Variants in MYO6 observed in about 807,000 individuals in gnomAD.
The protein encoded by MYO6 is myosin VI.
MYO6 carries 74 observed loss-of-function variants against 178.7 expected under a neutral mutation model. The ratio of observed to expected loss-of-function variants is 0.41; its 90% confidence interval spans 0.34 to 0.50. The LOEUF (loss-of-function observed/expected upper bound fraction) is 0.50, where lower values mean the gene tolerates loss of function less well. Among genes scored for constraint, MYO6 ranks in the 20% least tolerant of loss-of-function variants. MYO6 has a pLI of 0.09. For synonymous variants in MYO6, 477 were observed against 504.6 expected, an observed-to-expected ratio of 0.95 and a Z score of 0.73; for missense variants, 1,330 against 1,547.4, an observed-to-expected ratio of 0.86 and a Z score of 2.36.
intron 1 of MYO6, among the ~76,000 whole-genome samples, chr6:75,771,015 T>TC (rs1291781538): frequency 8.6e-5 from 13 of 151,004 alleles, no homozygotes; most frequent in East Asian, 1.9e-4. Context: ...TTTTTTTTTT[T>TC]CCCCCCTGAG....
At chr6:75,785,381 A>G (rs1290877348) in intron 1 of MYO6, among the ~76,000 whole-genome samples, 2 of 152,044 alleles carry the variant, frequency 1.3e-5, no homozygotes, top group Non-Finnish European at 2.9e-5. Context: ...ACAAGTTCTT[A>G]ATTTGTCAAA....
At chr6:75,751,127 T>C (rs1399547266) in intron 1 of MYO6, among the ~76,000 whole-genome samples, 3 of 152,258 alleles carry the variant, frequency 2.0e-5, no homozygotes, top group Non-Finnish European at 4.4e-5. Context: ...CAAAGTGGGC[T>C]ATAGCCAGAG....
chr6:75,780,147 A>T (rs894270637), intron 1 of MYO6, among the ~76,000 whole-genome samples: 6 of 152,214 alleles, frequency 3.9e-5, no homozygotes, highest in Admixed American at 1.3e-4. Flanking sequence ...GCACACTTTA[A>T]ATATGTGATG....
chr6:75,881,578 G>T, intron 22 of MYO6, 111 bp from the exon 23 acceptor site: 2 of 1,092,688 alleles, frequency 1.8e-6, no homozygotes, highest in Non-Finnish European at 1.4e-6. Context: ...ATTGACATGT[G>T]ACCATTTTCA....
chr6:75,890,233 A>G lies in MYO6; in HGVS notation c.2835A>G (p.Lys945=). ...KERKRREEDE[K]RRRKEEEERR... Reference sequence around the variant, plus strand: ...GAAAAAGACGTGAAGAAGACGAAAAACGTCGAAGAAAGGAAGAGGAGGAAA... The same window carrying G: ...GAAAAAGACGTGAAGAAGACGAAAAGCGTCGAAGAAAGGAAGAGGAGGAAA... The change falls in exon 26 of 35, where the codon AAA becomes AAG. Residue 945 remains lysine (K), a synonymous_variant. Coordinates refer to ENST00000369977, the MANE Select transcript of MYO6 (RefSeq NM_004999.4). 4 of 1,613,046 alleles carry G rather than the reference A, an allele frequency of 2.5e-6. No homozygotes were observed. Among genetic ancestry groups the G allele is most frequent in the Non-Finnish European group, 3.4e-6 (4 of 1,179,066 alleles).
chr6:75,764,757 A>C (rs934076943), intron 1 of MYO6, among the ~76,000 whole-genome samples: 1 of 152,178 alleles, frequency 6.6e-6, no homozygotes, highest in East Asian at 1.9e-4. Context: ...AGGCACTTTG[A>C]GAGGCTGAGG....
intron 28 of MYO6, 127 bp downstream of exon 28, chr6:75,892,817 A>T: frequency 1.1e-6 from 1 of 948,104 alleles, no homozygotes; most frequent in Non-Finnish European, 1.5e-6. Context: ...ATTTGAGCTA[A>T]AATAATTTTA....
At chr6:75,888,425 A>G (rs1423041511) in intron 25 of MYO6, among the ~76,000 whole-genome samples, 1 of 152,046 alleles carries the variant, frequency 6.6e-6, no homozygotes, top group Non-Finnish European at 1.5e-5. Context: ...GACCAACCTG[A>G]TCAACATGGC....
intron 1 of MYO6, among the ~76,000 whole-genome samples, chr6:75,795,996 A>G (rs892320800): frequency 2.6e-5 from 4 of 152,258 alleles, no homozygotes; most frequent in Non-Finnish European, 2.9e-5. Flanking sequence ...CTGTATACAT[A>G]AAGAATTAAA....
intron 16 of MYO6, among the ~76,000 whole-genome samples, chr6:75,865,848 T>G (rs957653244): frequency 2.0e-5 from 3 of 152,228 alleles, no homozygotes; most frequent in African/African-American, 7.2e-5. Flanking sequence ...CTATATTATT[T>G]GAAACGGTAG....
At chr6:75,763,319 C>G (rs755971978) in intron 1 of MYO6, among the ~76,000 whole-genome samples, 7 of 152,104 alleles carry the variant, frequency 4.6e-5, no homozygotes, top group African/African-American at 7.2e-5. Flanking sequence ...CCACTGTGCC[C>G]GGCATAATTT....
intron 22 of MYO6, 152 bp from the exon 23 acceptor site, chr6:75,881,537 G>A (rs1778027740): frequency 1.4e-6 from 1 of 719,418 alleles, no homozygotes; most frequent in Admixed American, 2.3e-5. Flanking sequence ...GTGTGTTTGT[G>A]TTTGTTGTAT....
At chr6:75,875,710 C>A (rs1351006374) in intron 20 of MYO6, among the ~76,000 whole-genome samples, 1 of 152,236 alleles carries the variant, frequency 6.6e-6, no homozygotes, top group East Asian at 1.9e-4. Flanking sequence ...GTAGGCTCCC[C>A]AGTTCTGCTA....
intron 1 of MYO6, among the ~76,000 whole-genome samples, chr6:75,760,656 G>C (rs1329614207): frequency 2.0e-5 from 3 of 151,172 alleles, no homozygotes; most frequent in Non-Finnish European, 4.4e-5. Flanking sequence ...GTCTTTTTTA[G>C]AGAGTATGGT....
chr6:75,904,800 C>T (rs911710011), intron 30 of MYO6, among the ~76,000 whole-genome samples: 7 of 152,182 alleles, frequency 4.6e-5, no homozygotes, highest in South Asian at 2.1e-4. Flanking sequence ...GGAGGAGAGG[C>T]GCTCTGCTTT....
intron 4 of MYO6, among the ~76,000 whole-genome samples, chr6:75,829,548 C>G (rs1019731753): frequency 2.0e-5 from 3 of 152,116 alleles, no homozygotes; most frequent in African/African-American, 7.2e-5. Flanking sequence ...CAAGTAGTGA[C>G]AGCTGGGAGA....
At chr6:75,824,199 TTCTC>T (rs1162830310) in intron 3 of MYO6, among the ~76,000 whole-genome samples, 3 of 152,228 alleles carry the variant, frequency 2.0e-5, no homozygotes, top group African/African-American at 7.2e-5. Flanking sequence ...TTTTAAAACA[TTCTC>T]TCTCCATTTG....
At chr6:75,751,621 A>G (rs1323880371) in intron 1 of MYO6, among the ~76,000 whole-genome samples, 2 of 152,238 alleles carry the variant, frequency 1.3e-5, no homozygotes, top group Admixed American at 6.5e-5. Context: ...AAGTTTTAAA[A>G]TAACAGTGGC....
At chr6:75,906,726 G>A (rs983836508) in intron 30 of MYO6, among the ~76,000 whole-genome samples, 2 of 151,988 alleles carry the variant, frequency 1.3e-5, no homozygotes, top group Non-Finnish European at 2.9e-5. Context: ...AAAAAAGCAG[G>A]CCTTAAAGCA....
Sources: gnomAD v4.1 joint callset for allele counts (sites outside exome capture counted in the v4.1 genomes callset) on GRCh38, gnomAD v4.1.1 for gene constraint, MANE v1.5 for transcripts, NCBI Gene and HGNC (gene_info 2026-07-23, HGNC 2026-07-21) for gene names.